The following GSN variants were observed in gnomAD, a reference collection of about 807,000 sequenced individuals.
GSN encodes actin-depolymerizing factor.
A neutral mutation model predicts 85.7 loss-of-function variants in GSN; 56 were observed. The observed-to-expected ratio is 0.65, with a 90% CI of 0.53 to 0.82. GSN has a LOEUF of 0.82. Among genes scored for constraint, GSN ranks in the 40% least tolerant of loss-of-function variants. The pLI, the probability that GSN is intolerant of heterozygous loss-of-function variation, is 0.00. For missense variants in GSN, 857 were observed against 979.8 expected (o/e 0.87, Z 1.67); for synonymous variants, 373 against 399.1 (o/e 0.93, Z 0.78).
At position 121,299,906 on chromosome 9, in the gene GSN, C is replaced by T; in HGVS notation, c.-9-2057C>T. ...CGCCCGCGCTGCTTTGCGCGCTGTC[C>T]CTGGCGCTGTGCGCGCTGTCGCTGC... On this transcript the variant is annotated intron_variant, in intron 2 of 17. Coordinates refer to ENST00000432226, the MANE Select transcript of GSN (RefSeq NM_198252.3). The surrounding 1 kb of genome is among the most constrained non-coding windows in gnomAD (Gnocchi z 4.2). 1.6e-6 allele frequency: 2 copies of T among 1,274,636 alleles called. No individual in the cohort carries two copies. The highest frequency in any genetic ancestry group is 6.0e-5 in the South Asian group (2 of 33,280). The allele number at this position is 1,274,636 out of a possible 1,614,324, so 79.0% of individuals were successfully genotyped here.
At chr9:121,263,334 G>A (rs2055126758), upstream of GSN, among the ~76,000 whole-genome samples, 1 of 152,152 alleles carries the variant, frequency 6.6e-6, no homozygotes, top group Non-Finnish European at 1.5e-5. Flanking sequence ...ACAGATAATA[G>A]TGAAATATAG....
At chr9:121,239,599 T>C in intron 5 of GSN, 1 of 276,066 alleles carries the variant, frequency 3.6e-6, no homozygotes, top group Non-Finnish European at 7.3e-6. Context: ...ATACCAACTA[T>C]GGCTGAAATG....
intron 4 of GSN, among the ~76,000 whole-genome samples, chr9:121,305,604 C>T (rs1042544261): frequency 1.3e-5 from 2 of 152,224 alleles, no homozygotes; most frequent in African/African-American, 4.8e-5. Flanking sequence ...GATCTTTGAT[C>T]CTCGCTCGGA....
At chr9:121,304,688 A>G (rs2060225277) in intron 4 of GSN, among the ~76,000 whole-genome samples, 1 of 152,230 alleles carries the variant, frequency 6.6e-6, no homozygotes, top group Non-Finnish European at 1.5e-5. Flanking sequence ...CTGGGAATGT[A>G]GGTTATCTCG....
chr9:121,295,353 T>C (rs1475682527), intron 2 of GSN, among the ~76,000 whole-genome samples: 1 of 152,200 alleles, frequency 6.6e-6, no homozygotes, highest in African/African-American at 2.4e-5. Flanking sequence ...TTGTCCCAAT[T>C]AGCAAAATCC....
chr9:121,275,124 T>C (rs1477006378), intron 1 of GSN, among the ~76,000 whole-genome samples: 1 of 152,212 alleles, frequency 6.6e-6, no homozygotes, highest in Non-Finnish European at 1.5e-5. Context: ...AGCGACCATT[T>C]TCCTGAAACG....
intron 4 of GSN, among the ~76,000 whole-genome samples, chr9:121,227,452 AG>A (rs2054292372): frequency 6.6e-6 from 1 of 151,778 alleles, no homozygotes; most frequent in Admixed American, 6.6e-5. Context: ...GAGTTCTGTG[AG>A]CCTCACTAGC....
At chr9:121,210,887 C>T (rs1415157061) in intron 4 of GSN, 1 of 152,202 alleles carries the variant, frequency 6.6e-6, no homozygotes, top group Non-Finnish European at 1.5e-5. Context: ...GTTATTAACT[C>T]CACTCACAGA....
intron 17 of GSN, 45 bp downstream of exon 17, chr9:121,331,493 T>G: frequency 5.2e-6 from 6 of 1,155,800 alleles, no homozygotes; most frequent in Admixed American, 1.9e-5. Context: ...GTCCGTTGCT[T>G]GTGGGGTGCT....
At chr9:121,312,658 T>C (rs1399424020) in intron 6 of GSN, 170 bp downstream of exon 6, 4 of 599,392 alleles carry the variant, frequency 6.7e-6, no homozygotes, top group Middle Eastern at 4.5e-4. Context: ...CAGGATCTTA[T>C]TCATTGTTGC....
chr9:121,332,681 C>A lies in GSN; in HGVS notation c.*78C>A. 9.2e-7 allele frequency: 1 copy of A among 1,090,796 alleles called. No individual in the cohort carries two copies. The highest frequency in any genetic ancestry group is 1.4e-6 in the Non-Finnish European group (1 of 727,516). The allele number at this position is 1,090,796 out of a possible 1,614,324, so 67.6% of individuals were successfully genotyped here. A position where few individuals can be genotyped will look rare whatever the true frequency, so the allele number is the denominator to read the frequency against. ...TCCCTCAAAGAGGCCTTAGAGCGAG[C>A]AGAGCAGCTCTGCTATGAGTGTGTG... On this transcript the variant is annotated 3_prime_UTR_variant, in exon 18 of 18. Coordinates refer to ENST00000432226, the MANE Select transcript of GSN (RefSeq NM_198252.3). This position sits in a 1 kb window ranked among gnomAD's most constrained non-coding sequence, Gnocchi z 4.8.
intron 2 of GSN, among the ~76,000 whole-genome samples, chr9:121,300,409 C>T (rs2059706385): frequency 6.6e-6 from 1 of 152,042 alleles, no homozygotes; most frequent in Non-Finnish European, 1.5e-5. Flanking sequence ...TTCCTTCTTT[C>T]TTGTATGACC....
At chr9:121,245,613 G>A (rs1350254185) in intron 5 of GSN, among the ~76,000 whole-genome samples, 4 of 152,048 alleles carry the variant, frequency 2.6e-5, no homozygotes, top group Non-Finnish European at 5.9e-5. Context: ...CTCCTGCCTC[G>A]GCCTCCCAAA....
At chr9:121,263,720 G>A (rs1160386728), upstream of GSN, among the ~76,000 whole-genome samples, 1 of 151,806 alleles carries the variant, frequency 6.6e-6, no homozygotes, top group Admixed American at 6.6e-5. Flanking sequence ...GAGAAACCCC[G>A]TCTCTACTAA....
chr9:121,234,163 C>T (rs77074308), intron 5 of GSN, among the ~76,000 whole-genome samples: 3 of 59,300 alleles, frequency 5.1e-5, no homozygotes, highest in Admixed American at 2.2e-4. Context: ...CCACATGTGG[C>T]TTCTTCTTGT....
In GSN at chr9:121,332,712, G is replaced by C; in HGVS notation, c.*109G>C. 1 of 744,552 alleles carries C rather than the reference G, an allele frequency of 1.3e-6. No individual in the cohort carries two copies. Among genetic ancestry groups the C allele is most frequent in the Non-Finnish European group, 2.2e-6 (1 of 460,994 alleles). 46.1% of individuals were successfully genotyped at this position (744,552 alleles called of 1,614,324 possible). On this transcript the variant is annotated 3_prime_UTR_variant, in exon 18 of 18. Coordinates refer to ENST00000432226, the MANE Select transcript of GSN (RefSeq NM_198252.3). The surrounding 1 kb of genome is among the most constrained non-coding windows in gnomAD (Gnocchi z 4.8). The stretch of plus-strand genomic sequence containing the variant: ...AGCTCTGCTATGAGTGTGTGTGTGT[G>C]TGTGTGTTGTTTCTTTTTTTTTTTT...
rs186360743 is a variant in GSN, at chr9:121,216,031, C to T, written c.-528+5164C>T. ...TATTTATTTATTATTTTTTTCAGCT[C>T]ACTGTAGCCTCTGCCTCCCGGGTTC... On this transcript the variant is annotated intron_variant, in intron 4 of 24. Coordinates refer to the GSN transcript ENST00000373823. 2.9e-3 allele frequency among the ~76,000 whole-genome samples: 445 copies of T among 152,174 alleles called. 3 individuals are homozygous for T. Among genetic ancestry groups the T allele is most frequent in the African/African-American group, 0.01 (429 of 41,534 alleles).
chr9:121,253,934 C>G (rs2054893087), intron 6 of GSN, among the ~76,000 whole-genome samples: 1 of 152,188 alleles, frequency 6.6e-6, no homozygotes, highest in Admixed American at 6.5e-5. Flanking sequence ...ACCCTCCCTT[C>G]ACTTTCTTCT....
chr9:121,324,823 A>G (rs1336777633), intron 12 of GSN, among the ~76,000 whole-genome samples, 179 bp downstream of exon 12: 3 of 152,080 alleles, frequency 2.0e-5, no homozygotes, highest in African/African-American at 7.2e-5. Context: ...TAGGGCTTCC[A>G]TGTGTTCCAC....
Sources: allele counts gnomAD v4.1 joint callset (sites outside exome capture counted in the v4.1 genomes callset), GRCh38; gene constraint gnomAD v4.1.1; non-coding constraint Gnocchi (gnomAD v3.1); transcripts MANE v1.5; gene names NCBI Gene and HGNC (gene_info 2026-07-23, HGNC 2026-07-21).